The following AKAP13 variants were observed in gnomAD, a reference collection of about 807,000 sequenced individuals.
AKAP13 encodes the protein A-kinase anchor protein 13.
In AKAP13, 80 loss-of-function variants were observed where a neutral mutation model predicts 264.5. The observed-to-expected ratio is 0.30, with a 90% CI of 0.25 to 0.36. The LOEUF (loss-of-function observed/expected upper bound fraction) is 0.36. Among genes scored for constraint, AKAP13 ranks in the 10% least tolerant of loss-of-function variants. The pLI, the probability that AKAP13 is intolerant of heterozygous loss-of-function variation, is 1.00. For synonymous variants in AKAP13, 1,380 were observed against 1,250.2 expected (o/e 1.10, Z -2.19); for missense variants, 3,712 against 3,435.2 (o/e 1.08, Z -2.01).
At chr15:85,520,859 T>A (rs1184035107) in intron 2 of AKAP13, among the ~76,000 whole-genome samples, 1 of 152,264 alleles carries the variant, frequency 6.6e-6, no homozygotes, top group Non-Finnish European at 1.5e-5. Context: ...CAAACTTGGA[T>A]GTTGTAGCCT....
At chr15:85,516,994 A>G (rs1380424419) in intron 2 of AKAP13, among the ~76,000 whole-genome samples, 1 of 152,220 alleles carries the variant, frequency 6.6e-6, no homozygotes, top group Non-Finnish European at 1.5e-5. Context: ...ACTTAGTTAT[A>G]AGCCTATATC....
chr15:85,481,393 A>C (rs1426864457), intron 1 of AKAP13, among the ~76,000 whole-genome samples: 2 of 152,210 alleles, frequency 1.3e-5, no homozygotes, highest in African/African-American at 4.8e-5. Context: ...TCTCTAATCA[A>C]CAACACCAGA....
chr15:85,453,607 G>T (rs750659663), intron 1 of AKAP13, among the ~76,000 whole-genome samples: 10 of 152,194 alleles, frequency 6.6e-5, no homozygotes, highest in Non-Finnish European at 1.5e-4. Context: ...GCAGGATCAG[G>T]ACTGCTTAAA....
intron 12 of AKAP13, among the ~76,000 whole-genome samples, chr15:85,661,627 A>C (rs2083350112): frequency 6.6e-6 from 1 of 152,136 alleles, no homozygotes; most frequent in African/African-American, 2.4e-5. Context: ...AGGCTGAGGC[A>C]GGAGAATCGC....
chr15:85,424,690 G>C (rs1222831715), intron 1 of AKAP13, among the ~76,000 whole-genome samples: 1 of 152,208 alleles, frequency 6.6e-6, no homozygotes, highest in African/African-American at 2.4e-5. Flanking sequence ...TTGGCTGTTT[G>C]TTGCAAGAGG....
At chr15:85,532,956 T>G (rs2077288205) in intron 3 of AKAP13, among the ~76,000 whole-genome samples, 1 of 152,232 alleles carries the variant, frequency 6.6e-6, no homozygotes, top group Non-Finnish European at 1.5e-5. Context: ...AAGTCCTCAT[T>G]ACATTAGTGG....
chr15:85,619,288 A>G (rs2081072921), intron 8 of AKAP13: 1 of 875,516 alleles, frequency 1.1e-6, no homozygotes, highest in Non-Finnish European at 1.4e-6. Context: ...CGGAGCTGAA[A>G]GGGCAAGCAG....
At chr15:85,723,391 G>C in intron 26 of AKAP13, 71 bp downstream of exon 26, 1 of 1,566,908 alleles carries the variant, frequency 6.4e-7, no homozygotes, top group Non-Finnish European at 8.7e-7. Context: ...GCTTTTGTTG[G>C]AAATTCACTA....
At chr15:85,391,330 T>C (rs190877796) in intron 1 of AKAP13, among the ~76,000 whole-genome samples, 106 of 152,342 alleles carry the variant, frequency 7.0e-4, no homozygotes, top group African/African-American at 2.5e-3. Flanking sequence ...GGAAAGATAA[T>C]GACGTTTTTA....
At chr15:85,645,431 A>C (rs1028391568) in intron 9 of AKAP13, among the ~76,000 whole-genome samples, 1 of 152,214 alleles carries the variant, frequency 6.6e-6, no homozygotes, top group African/African-American at 2.4e-5. Context: ...AGTTGCTAGT[A>C]AAAGACTTTG....
chr15:85,394,709 G>A (rs540636633), intron 1 of AKAP13, among the ~76,000 whole-genome samples: 22 of 152,288 alleles, frequency 1.4e-4, no homozygotes, highest in Non-Finnish European at 1.5e-4. Flanking sequence ...GCTGGGTTCT[G>A]TCACATAATT....
chr15:85,546,311 G>A (rs1281185738), intron 5 of AKAP13, among the ~76,000 whole-genome samples: 1 of 109,554 alleles, frequency 9.1e-6, no homozygotes. Context: ...TTATATAATT[G>A]TTGTTACCAA....
chr15:85,565,436 T>C (rs1210291429), intron 5 of AKAP13, among the ~76,000 whole-genome samples: 2 of 152,228 alleles, frequency 1.3e-5, no homozygotes, highest in African/African-American at 4.8e-5. Context: ...TTTCCTGTCC[T>C]GCAAGGCCTG....
In AKAP13 at chr15:85,581,022, G is replaced by C. The variant is rs1483334221; in HGVS notation, c.2954G>C (p.Gly985Ala). 9 of 1,613,710 alleles carry C rather than the reference G, an allele frequency of 5.6e-6. No individual in the cohort carries two copies. In the African/African-American group the frequency reaches 6.7e-5, roughly 12 times the overall value. ...DKALQLSNSP[G>A]ASSAFLKAET... ...GCACTTCAGCTAAGTAATTCACCGG[G>C]TGCATCCTCTGCCTTTCTTAAGGCA... Residue 985 changes from glycine to alanine, a missense_variant, in exon 7 of 37, where the codon GGT becomes GCT. Around this residue, in one of 3 missense-constraint regions of AKAP13, gnomAD observed 2,759 missense variants for 2,411.7 expected, o/e 1.14. Coordinates refer to ENST00000394518, the MANE Select transcript of AKAP13 (RefSeq NM_007200.5).
chr15:85,555,481 G>A (rs1172454936), intron 5 of AKAP13: 1 of 1,286,234 alleles, frequency 7.8e-7, no homozygotes, highest in African/African-American at 1.5e-5. Flanking sequence ...GGGGTGCTTG[G>A]GCAGCCATGT....
chr15:85,607,270 A>G (rs1596692344), intron 8 of AKAP13, among the ~76,000 whole-genome samples: 1 of 152,310 alleles, frequency 6.6e-6, no homozygotes, highest in South Asian at 2.1e-4. Flanking sequence ...CATGGTACAA[A>G]ATAGATCCAG....
chr15:85,740,340 A>C lies in AKAP13; in HGVS notation c.7608+68A>C. On this transcript the variant is annotated intron_variant, in intron 34 of 36. Coordinates refer to ENST00000394518, the MANE Select transcript of AKAP13 (RefSeq NM_007200.5). ...GAACAGCAGCTTGGGGCTGTTGTTG[A>C]CTTGGATCTTTGAGGTTTGCAGGAT... 13 of 1,572,082 alleles carry C rather than the reference A, an allele frequency of 8.3e-6. No individual in the cohort carries two copies. The South Asian group carries it at 1.4e-4, about 17-fold the overall frequency.
At chr15:85,732,625 A>G (rs887640582) in intron 30 of AKAP13, among the ~76,000 whole-genome samples, 10 of 150,210 alleles carry the variant, frequency 6.7e-5, no homozygotes, top group African/African-American at 2.0e-4. Flanking sequence ...TTACATCTCT[A>G]TTTCCTTTCT....
At chr15:85,627,166 A>G (rs2081447439) in intron 8 of AKAP13, among the ~76,000 whole-genome samples, 1 of 152,024 alleles carries the variant, frequency 6.6e-6, no homozygotes, top group Non-Finnish European at 1.5e-5. Context: ...TTCGTCTGTT[A>G]TCTCAAGAAC....
Sources: gnomAD v4.1 joint callset for allele counts (sites outside exome capture counted in the v4.1 genomes callset) on GRCh38, gnomAD v4.1.1 for gene constraint, gnomAD v4.1.1 regional missense constraint, MANE v1.5 for transcripts, NCBI Gene and HGNC (gene_info 2026-07-23, HGNC 2026-07-21) for gene names.